SV2C: variants seen among roughly 807,000 people sequenced by gnomAD.
The protein encoded by SV2C is synaptic vesicle glycoprotein 2C, also known as solute carrier family 22 member B3.
Under a neutral mutation model 79.7 loss-of-function variants are expected in SV2C, and 49 were observed. The ratio of observed to expected loss-of-function variants is 0.61; its 90% CI spans 0.49 to 0.78. The LOEUF (loss-of-function observed/expected upper bound fraction) is 0.78. SV2C is among the 30% of genes least tolerant of loss of function. SV2C has a pLI of 0.00. For synonymous variants in SV2C, 334 were observed against 333.2 expected (o/e 1.00, Z -0.03); for missense variants, 833 against 912.9 (o/e 0.91, Z 1.13).
chr5:75,890,595 C>T, the SV2C span, among the ~76,000 whole-genome samples: 1 of 152,102 alleles, frequency 6.6e-6, no homozygotes, highest in Non-Finnish European at 1.5e-5. Flanking sequence ...AGGTCTATCT[C>T]CTGCTTAGAG....
chr5:75,865,123 T>A, the SV2C span, among the ~76,000 whole-genome samples: 10 of 152,322 alleles, frequency 6.6e-5, no homozygotes, highest in South Asian at 2.1e-3. Flanking sequence ...TACTGGGCTC[T>A]TGTAGAAAAG....
chr5:76,280,659 C>A (rs558796716), intron 4 of SV2C, among the ~76,000 whole-genome samples: 5 of 152,154 alleles, frequency 3.3e-5, no homozygotes, highest in Non-Finnish European at 4.4e-5. Flanking sequence ...GCCTCGTGGC[C>A]GGCTCCGAGG....
chr5:75,984,578 T>C, the SV2C span, among the ~76,000 whole-genome samples: 942 of 84,556 alleles, frequency 0.011, 8 homozygotes, highest in South Asian at 0.023. Context: ...TATCTATCTA[T>C]CTATCTATCT....
chr5:76,305,356 A>G (rs17566757), intron 12 of SV2C, among the ~76,000 whole-genome samples: 10,899 of 152,264 alleles, frequency 0.072, 530 homozygotes, highest in Non-Finnish European at 0.11. Flanking sequence ...CTCAGAGTCT[A>G]CCATGAAGAC....
At chr5:75,915,548 A>C in the SV2C span, among the ~76,000 whole-genome samples, 5 of 152,226 alleles carry the variant, frequency 3.3e-5, no homozygotes, top group Non-Finnish European at 7.3e-5. Flanking sequence ...GTTAGATATG[A>C]GCAACACAGG....
At chr5:75,851,701 C>T in the SV2C span, among the ~76,000 whole-genome samples, 2 of 151,864 alleles carry the variant, frequency 1.3e-5, no homozygotes, top group African/African-American at 2.4e-5. Context: ...AGTGCAGTGG[C>T]GCGATCTCGG....
At chr5:76,351,887 T>G (rs1425607773) in intron 12 of SV2C, among the ~76,000 whole-genome samples, 1 of 152,168 alleles carries the variant, frequency 6.6e-6, no homozygotes, top group East Asian at 1.9e-4. Flanking sequence ...ATCAAGGGAT[T>G]GTACTTTACA....
rs1284463775 is a variant in SV2C, at chr5:76,312,592, G to A, written c.2000+11047G>A. Among the ~76,000 whole-genome samples the A allele has an allele frequency of 2.0e-5, 3 of 152,180 alleles. No individual in the cohort carries two copies. The South Asian group carries it at 6.2e-4, about 31-fold the overall frequency. ...TTACCCCTCCTCCGTGGCGCTCGGG[G>A]CCAGGAGCGCACACCTTGTGAGATG... On this transcript the variant is annotated intron_variant, in intron 12 of 12. Coordinates refer to ENST00000502798, the MANE Select transcript of SV2C (RefSeq NM_014979.4).
Position 76,285,196 on chromosome 5 carries a change from T to G in SV2C, c.948T>G (p.Phe316Leu). The G allele has an allele frequency of 6.2e-7, 1 of 1,614,216 alleles. No individual in the cohort carries two copies. Among genetic ancestry groups the G allele is most frequent in the South Asian group, 1.1e-5 (1 of 91,084 alleles). The change falls in exon 5 of 13, where the codon TTT (phenylalanine) becomes TTG (leucine). Residue 316 changes from phenylalanine to leucine, a missense_variant. Physicochemically the swap from Phe to Leu is conservative, Grantham distance 22. Transcript: ENST00000502798. ...TCAGCATGGGATCGGCCTACCAGTT[T>G]CACAGTTGGCGTGTGTTTGTCATCG... ...WSFSMGSAYQ[F>L]HSWRVFVIVC...
At chr5:76,113,939 C>T (rs991334058) in intron 1 of SV2C, among the ~76,000 whole-genome samples, 4 of 151,314 alleles carry the variant, frequency 2.6e-5, no homozygotes, top group Non-Finnish European at 2.9e-5. Flanking sequence ...CACACACACA[C>T]ATATATACAC....
the SV2C span, among the ~76,000 whole-genome samples, chr5:75,969,160 A>T: frequency 6.6e-6 from 1 of 152,122 alleles, no homozygotes; most frequent in Non-Finnish European, 1.5e-5. Flanking sequence ...TGCCCTAAAA[A>T]AGCTCCTGAA....
the SV2C span, among the ~76,000 whole-genome samples, chr5:75,947,608 G>T: frequency 1.3e-5 from 2 of 152,012 alleles, no homozygotes; most frequent in Admixed American, 1.3e-4. Flanking sequence ...AAAGGAAGTT[G>T]AGGGGTATCC....
At chr5:76,040,865 C>G in the SV2C span, among the ~76,000 whole-genome samples, 2 of 152,188 alleles carry the variant, frequency 1.3e-5, no homozygotes, top group Non-Finnish European at 1.5e-5. Flanking sequence ...AGGAATACAG[C>G]ACAGTTAAAA....
intron 3 of SV2C, among the ~76,000 whole-genome samples, chr5:76,198,143 C>T (rs1007550712): frequency 1.3e-5 from 2 of 152,194 alleles, no homozygotes; most frequent in Non-Finnish European, 2.9e-5. Flanking sequence ...CCCATCTCCT[C>T]CAGAAACACC....
chr5:75,994,904 A>G, the SV2C span, among the ~76,000 whole-genome samples: 1 of 152,140 alleles, frequency 6.6e-6, no homozygotes, highest in African/African-American at 2.4e-5. Flanking sequence ...ATTCCAGTCC[A>G]AGGCCAACGG....
chr5:76,321,366 A>G (rs1368758876), intron 12 of SV2C, among the ~76,000 whole-genome samples: 2 of 152,156 alleles, frequency 1.3e-5, no homozygotes, highest in Non-Finnish European at 2.9e-5. Flanking sequence ...GTGACAGCCA[A>G]AAAAGAGTAA....
At chr5:76,228,137 A>T (rs1459456253) in intron 4 of SV2C, among the ~76,000 whole-genome samples, 1 of 151,722 alleles carries the variant, frequency 6.6e-6, no homozygotes, top group Non-Finnish European at 1.5e-5. Flanking sequence ...TGGCCTTTGC[A>T]GGCTGCTCAA....
rs548713822 is a variant in SV2C, at chr5:76,193,589, T to C, written c.581-1330T>C. 4.6e-5 allele frequency among the ~76,000 whole-genome samples: 7 copies of C among 152,280 alleles called. No homozygotes were observed. The South Asian group carries it at 1.4e-3, about 32-fold the overall frequency. On this transcript the variant is annotated intron_variant, in intron 2 of 12. Coordinates refer to ENST00000502798, the MANE Select transcript of SV2C (RefSeq NM_014979.4). ...TAGCCAGGGAATCAAAATAGCATGT[T>C]TATAGCTCTAAGGTTTACCCTATAG...
At chr5:75,856,437 T>A in the SV2C span, among the ~76,000 whole-genome samples, 1 of 152,186 alleles carries the variant, frequency 6.6e-6, no homozygotes, top group African/African-American at 2.4e-5. Flanking sequence ...TTCTCCACAT[T>A]TTCACCAGCA....
Sources: allele counts gnomAD v4.1 joint callset (sites outside exome capture counted in the v4.1 genomes callset), GRCh38; gene constraint gnomAD v4.1.1; transcripts MANE v1.5; gene names NCBI Gene and HGNC (gene_info 2026-07-23, HGNC 2026-07-21).